The following XRN1 variants were observed in gnomAD, a reference collection of about 807,000 sequenced individuals.
XRN1 encodes the protein 5'-3' exoribonuclease 1, also known as strand-exchange protein 1 homolog.
A neutral mutation model predicts 222.3 loss-of-function variants in XRN1; 67 were observed. The observed-to-expected ratio is 0.30, with a 90% CI of 0.25 to 0.37. The LOEUF is 0.37. XRN1 is among the 10% of genes least tolerant of loss of function. The pLI, the probability that XRN1 is intolerant of heterozygous loss-of-function variation, is 1.00. For synonymous variants in XRN1, 643 were observed against 652.4 expected (o/e 0.99, Z 0.22); for missense variants, 1,707 against 2,000.2 (o/e 0.85, Z 2.80).
At chr3:142,354,945 C>A (rs527819272) in intron 32 of XRN1, among the ~76,000 whole-genome samples, 2 of 152,178 alleles carry the variant, frequency 1.3e-5, no homozygotes, top group African/African-American at 4.8e-5. Context: ...GAACTGAAGG[C>A]CATTATGCTA....
intron 33 of XRN1, among the ~76,000 whole-genome samples, chr3:142,342,298 CA>C (rs945733806): frequency 1.1e-4 from 16 of 151,400 alleles, no homozygotes; most frequent in African/African-American, 3.9e-4. Context: ...GAAGAGGACA[CA>C]AAAAAAGAGA....
chr3:142,344,526 C>T (rs2066085365), intron 33 of XRN1, among the ~76,000 whole-genome samples: 1 of 152,002 alleles, frequency 6.6e-6, no homozygotes, highest in Admixed American at 6.6e-5. Flanking sequence ...AAAACTATCT[C>T]TATTTGCAGA....
intron 5 of XRN1, among the ~76,000 whole-genome samples, 169 bp from the exon 6 acceptor site, chr3:142,423,811 G>C (rs1577414174): frequency 1.3e-5 from 2 of 152,126 alleles, no homozygotes; most frequent in Non-Finnish European, 2.9e-5. Flanking sequence ...ATGAGATAAA[G>C]TGTACTTTTC....
chr3:142,421,271 T>A, intron 9 of XRN1, 118 bp from the exon 10 acceptor site: 1 of 1,072,764 alleles, frequency 9.3e-7, no homozygotes, highest in East Asian at 2.7e-5. Context: ...TGTTACTCTT[T>A]TATATATATG....
chr3:142,390,048 T>C (rs1340369237), intron 20 of XRN1, among the ~76,000 whole-genome samples: 1 of 152,128 alleles, frequency 6.6e-6, no homozygotes, highest in Non-Finnish European at 1.5e-5. Context: ...GTCTCAAGAG[T>C]GGACTTAACA....
intron 23 of XRN1, among the ~76,000 whole-genome samples, chr3:142,377,689 TA>T (rs1379450535): frequency 1.3e-5 from 2 of 152,142 alleles, no homozygotes; most frequent in Non-Finnish European, 2.9e-5. Context: ...CTAGAAAATA[TA>T]AAATAAGTAG....
chr3:142,327,432 A>T (rs1162851519), intron 37 of XRN1, among the ~76,000 whole-genome samples: 1 of 151,798 alleles, frequency 6.6e-6, no homozygotes, highest in East Asian at 1.9e-4. Flanking sequence ...TTTCTGTGTT[A>T]TCAGATGTAA....
chr3:142,441,269 G>A, intron 1 of XRN1, among the ~76,000 whole-genome samples: 8 of 152,132 alleles, frequency 5.3e-5, no homozygotes, highest in Admixed American at 5.2e-4. Context: ...CCCAGGTACG[G>A]CAAAATAGCC....
rs757979965 is a variant in XRN1 at position 142,335,443 on chromosome 3, C to T, written c.3939+5G>A. The T allele has an allele frequency of 5.5e-5, 89 of 1,613,454 alleles. No individual in the cohort carries two copies. The highest frequency in any genetic ancestry group is 7.2e-5 in the Non-Finnish European group (85 of 1,179,638). On this transcript the variant is annotated splice_donor_5th_base_variant and intron_variant, in intron 34 of 40. Transcript: ENST00000392981. ...AACTAGAAATTTGATTTTAAGGAAG[C>T]TTACCTGCTTATTGGACATTTTTTG...
At chr3:142,388,291 T>C (rs2067583836) in intron 20 of XRN1, among the ~76,000 whole-genome samples, 1 of 152,208 alleles carries the variant, frequency 6.6e-6, no homozygotes, top group African/African-American at 2.4e-5. Flanking sequence ...TCTTATGATT[T>C]TATAATAACA....
intron 33 of XRN1, among the ~76,000 whole-genome samples, chr3:142,340,459 T>C (rs1277219497): frequency 2.7e-5 from 4 of 150,164 alleles, no homozygotes; most frequent in African/African-American, 9.8e-5. Flanking sequence ...AAATCTAAGA[T>C]TATTAGCCTT....
intron 24 of XRN1, 32 bp downstream of exon 24, chr3:142,376,447 A>G (rs1297021639): frequency 2.7e-6 from 4 of 1,496,192 alleles, no homozygotes; most frequent in Non-Finnish European, 3.7e-6. Context: ...TTTTTCTGCC[A>G]CTTTAAGTAA....
chr3:142,419,871 C>T (rs1054886905), intron 10 of XRN1, among the ~76,000 whole-genome samples: 1 of 151,506 alleles, frequency 6.6e-6, no homozygotes, highest in Non-Finnish European at 1.5e-5. Flanking sequence ...GAATTTTTCA[C>T]AAGAGGTTTA....
chr3:142,399,559 C>CA (rs1370699243), intron 19 of XRN1, among the ~76,000 whole-genome samples: 1 of 151,438 alleles, frequency 6.6e-6, no homozygotes, highest in Admixed American at 6.6e-5. Context: ...GACATGACAC[C>CA]AAAAGCATAA....
intron 21 of XRN1, 37 bp from the exon 22 acceptor site, chr3:142,383,450 T>G (rs1442144560): frequency 6.5e-7 from 1 of 1,534,878 alleles, no homozygotes; most frequent in Non-Finnish European, 8.9e-7. Flanking sequence ...TAGTCATAAT[T>G]TCTATAGATT....
chr3:142,362,724 C>T (rs894340026), intron 29 of XRN1, among the ~76,000 whole-genome samples: 2 of 148,486 alleles, frequency 1.3e-5, no homozygotes, highest in Non-Finnish European at 3.0e-5. Context: ...TTCTTCCCTT[C>T]TTCTCCTCCT....
At chr3:142,358,707 G>A (rs972017924) in intron 30 of XRN1, among the ~76,000 whole-genome samples, 54 of 152,186 alleles carry the variant, frequency 3.5e-4, no homozygotes, top group African/African-American at 1.1e-3. Context: ...CAGGAGATCC[G>A]GATTCTGCTG....
intron 37 of XRN1, among the ~76,000 whole-genome samples, chr3:142,326,792 T>C (rs2065529090): frequency 6.6e-6 from 1 of 152,116 alleles, no homozygotes; most frequent in African/African-American, 2.4e-5. Context: ...TTGAGGTATG[T>C]TCCTTCTATA....
chr3:142,367,527 C>T (rs1245196186), intron 27 of XRN1, among the ~76,000 whole-genome samples: 2 of 151,940 alleles, frequency 1.3e-5, no homozygotes, highest in East Asian at 3.9e-4. Context: ...AACCATGTTC[C>T]AACAAGAAAA....
Sources: allele counts gnomAD v4.1 joint callset (sites outside exome capture counted in the v4.1 genomes callset), GRCh38; gene constraint gnomAD v4.1.1; transcripts MANE v1.5; gene names NCBI Gene and HGNC (gene_info 2026-07-23, HGNC 2026-07-21).